Variants in ARHGAP5 observed in about 807,000 individuals in gnomAD.
ARHGAP5 encodes the protein Rho GTPase activating protein 5.
A neutral mutation model predicts 116.6 loss-of-function variants in ARHGAP5; 23 were observed. The observed-to-expected ratio is 0.20, with a 90% CI of 0.14 to 0.28. The LOEUF is 0.28. ARHGAP5 is among the 10% of genes least tolerant of loss of function. The pLI is 1.00. For missense variants in ARHGAP5, 1,405 were observed against 1,774.8 expected (o/e 0.79, Z 3.74); for synonymous variants, 574 against 602.0 (o/e 0.95, Z 0.68).
chr14:32,122,362 A>G (rs975685977), intron 3 of ARHGAP5, among the ~76,000 whole-genome samples: 1 of 151,870 alleles, frequency 6.6e-6, no homozygotes, highest in Non-Finnish European at 1.5e-5. Flanking sequence ...TTTTAGTTGG[A>G]TTGTTTGTCT....
rs543257513 is a variant in ARHGAP5, at chr14:32,113,265, T to C, written c.3718-3875T>C. 2.6e-5 allele frequency among the ~76,000 whole-genome samples: 4 copies of C among 152,362 alleles called. No individual in the cohort carries two copies. The East Asian group carries it at 7.7e-4, about 29-fold the overall frequency. On this transcript the variant is annotated intron_variant, in intron 2 of 6. Transcript: ENST00000345122. Reference sequence around the variant, plus strand: ...CAGAAAAAAGGAATCGTATACATTTTTGTTCATCACAAAAGCTAGTATAGG... The same window carrying C: ...CAGAAAAAAGGAATCGTATACATTTCTGTTCATCACAAAAGCTAGTATAGG...
At chr14:32,149,662 C>A (rs531151639) in intron 4 of ARHGAP5, among the ~76,000 whole-genome samples, 24 of 151,620 alleles carry the variant, frequency 1.6e-4, no homozygotes, top group Non-Finnish European at 3.1e-4. Flanking sequence ...ATCCCAGCTA[C>A]TCGGGAGGCT....
At chr14:32,149,353 A>G (rs1295751739) in intron 4 of ARHGAP5, among the ~76,000 whole-genome samples, 1 of 152,112 alleles carries the variant, frequency 6.6e-6, no homozygotes, top group East Asian at 1.9e-4. Context: ...AAACAAAAAA[A>G]AAAGATAGAT....
At chr14:32,125,060 TG>T (rs1452313602) in intron 3 of ARHGAP5, among the ~76,000 whole-genome samples, 2 of 152,190 alleles carry the variant, frequency 1.3e-5, no homozygotes, top group Non-Finnish European at 2.9e-5. Flanking sequence ...TACAGTTCAG[TG>T]GCAGGTAGTA....
At chr14:32,103,738 G>A (rs1419824142) in intron 2 of ARHGAP5, among the ~76,000 whole-genome samples, 9 of 152,068 alleles carry the variant, frequency 5.9e-5, no homozygotes, top group Admixed American at 5.9e-4. Context: ...TTCTTGCTCT[G>A]TAATGTTTTC....
intron 2 of ARHGAP5, among the ~76,000 whole-genome samples, chr14:32,113,689 T>G (rs1288815689): frequency 6.6e-6 from 1 of 152,242 alleles, no homozygotes; most frequent in Non-Finnish European, 1.5e-5. Flanking sequence ...GAGACTTCAC[T>G]TTTTCCTCTT....
chr14:32,093,623 C>T lies in ARHGAP5; in HGVS notation c.2954C>T (p.Thr985Ile). The T allele has an allele frequency of 6.2e-7, 1 of 1,613,746 alleles. No individual in the cohort carries two copies. Among genetic ancestry groups the T allele is most frequent in the Non-Finnish European group, 8.5e-7 (1 of 1,179,870 alleles). ...AACTACCCTGATTCAGATGATGACA[C>T]AGAAGCACCACCTCCTTATAGTCCA... ...YNNYPDSDDD[T>I]EAPPPYSPIG... Residue 985 changes from threonine to isoleucine, a missense_variant, in exon 2 of 7, where the codon ACA becomes ATA. This residue lies in a region of ARHGAP5 where 944 missense variants were observed against 1,095.3 expected (regional missense o/e 0.86). Coordinates refer to ENST00000345122, the MANE Select transcript of ARHGAP5 (RefSeq NM_001030055.2).
chr14:32,110,463 G>A (rs1377802763), intron 2 of ARHGAP5, among the ~76,000 whole-genome samples: 1 of 151,978 alleles, frequency 6.6e-6, no homozygotes, highest in African/African-American at 2.4e-5. Context: ...GGTGGTCAGT[G>A]TAGGCCTCAT....
intron 3 of ARHGAP5, among the ~76,000 whole-genome samples, chr14:32,117,615 T>A (rs1389093712): frequency 6.6e-6 from 1 of 152,212 alleles, no homozygotes; most frequent in East Asian, 1.9e-4. Flanking sequence ...AGTGTGGAAG[T>A]TTTCCATATT....
chr14:32,107,799 A>C (rs1449324869), intron 2 of ARHGAP5, among the ~76,000 whole-genome samples: 1 of 152,202 alleles, frequency 6.6e-6, no homozygotes, highest in Non-Finnish European at 1.5e-5. Flanking sequence ...AAAGTCTAAA[A>C]ATTAGATGTA....
chr14:32,089,330 T>G (rs1173568766), intron 1 of ARHGAP5, among the ~76,000 whole-genome samples: 1 of 151,768 alleles, frequency 6.6e-6, no homozygotes, highest in East Asian at 1.9e-4. Flanking sequence ...TTCTTACTTT[T>G]CTTAGATTTT....
chr14:32,093,370 A>G lies in ARHGAP5; in HGVS notation c.2701A>G (p.Met901Val), dbSNP rs150461143. ...FFENEAIKELMTEGEHIATEI... is the reference protein window; with the variant it reads ...FFENEAIKELVTEGEHIATEI... ...TGAAAATGAGGCTATCAAAGAGTTA[A>G]TGACTGAAGGAGAACACATTGCAAC... The change falls in exon 2 of 7, where the codon ATG (methionine) becomes GTG (valine). Residue 901 changes from methionine (M) to valine (V), a missense_variant. By Grantham distance (21) the Met-to-Val change is conservative. This residue lies in a region of ARHGAP5 where 944 missense variants were observed against 1,095.3 expected (regional missense o/e 0.86). Coordinates refer to ENST00000345122, the MANE Select transcript of ARHGAP5 (RefSeq NM_001030055.2). 3 of 1,613,946 alleles carry G rather than the reference A, an allele frequency of 1.9e-6. No homozygotes were observed. The highest frequency in any genetic ancestry group is 1.3e-5 in the African/African-American group (1 of 74,920).
intron 2 of ARHGAP5, among the ~76,000 whole-genome samples, chr14:32,096,408 A>G (rs1042108093): frequency 2.6e-5 from 4 of 152,210 alleles, no homozygotes; most frequent in South Asian, 2.1e-4. Flanking sequence ...AAAGCTGATT[A>G]TTTGAAAAGA....
At chr14:32,089,175 TAGTC>T (rs2041859780) in intron 1 of ARHGAP5, among the ~76,000 whole-genome samples, 1 of 151,964 alleles carries the variant, frequency 6.6e-6, no homozygotes, top group South Asian at 2.1e-4. Flanking sequence ...TCAGAAATGT[TAGTC>T]AAGATTTTAA....
At chr14:32,095,400 T>C (rs1367130770) in intron 2 of ARHGAP5, among the ~76,000 whole-genome samples, 2 of 149,984 alleles carry the variant, frequency 1.3e-5, no homozygotes, top group Non-Finnish European at 2.9e-5. Flanking sequence ...ATGTAAACTT[T>C]GTTTTTTTTT....
intron 1 of ARHGAP5, among the ~76,000 whole-genome samples, chr14:32,084,234 A>G (rs2041806661): frequency 6.6e-6 from 1 of 152,222 alleles, no homozygotes; most frequent in Non-Finnish European, 1.5e-5. Context: ...AAAAATGGTT[A>G]AAAGCAGAAT....
intron 2 of ARHGAP5, among the ~76,000 whole-genome samples, chr14:32,111,106 AAAG>A (rs959791851): frequency 4.6e-5 from 7 of 152,198 alleles, no homozygotes; most frequent in African/African-American, 1.7e-4. Context: ...TAGATGGAAA[AAAG>A]AAGACAATCA....
Position 32,155,870 on chromosome 14 carries a change from A to C in ARHGAP5, c.*922A>C, listed in dbSNP as rs949360757. 1 of 152,568 alleles carries C rather than the reference A, an allele frequency of 6.6e-6. No homozygotes were observed. Among genetic ancestry groups the C allele is most frequent in the Non-Finnish European group, 1.5e-5 (1 of 67,994 alleles). 9.5% of individuals were successfully genotyped at this position (152,568 alleles called of 1,614,324 possible). A position where few individuals can be genotyped will look rare whatever the true frequency, so the allele number is the denominator to read the frequency against. On this transcript the variant is annotated 3_prime_UTR_variant, in exon 7 of 7. Coordinates refer to ENST00000345122, the MANE Select transcript of ARHGAP5 (RefSeq NM_001030055.2). The stretch of plus-strand genomic sequence containing the variant: ...ATAACTTTTCATACATAAACATGAA[A>C]TTTGTTGTAGAAAATTCTTTAAACC...
At chr14:32,142,565 C>T (rs1004327847) in intron 3 of ARHGAP5, among the ~76,000 whole-genome samples, 3 of 152,176 alleles carry the variant, frequency 2.0e-5, no homozygotes, top group African/African-American at 7.2e-5. Flanking sequence ...CAACACTTTC[C>T]AAGTCTTGTG....
Sources: gnomAD v4.1 joint callset for allele counts (sites outside exome capture counted in the v4.1 genomes callset) on GRCh38, gnomAD v4.1.1 for gene constraint, gnomAD v4.1.1 regional missense constraint, MANE v1.5 for transcripts, NCBI Gene and HGNC (gene_info 2026-07-23, HGNC 2026-07-21) for gene names.